ASTN2: variants seen among roughly 807,000 people sequenced by gnomAD.
The protein encoded by ASTN2 is astrotactin 2, also known as astrotactin-2.
A neutral mutation model predicts 139.8 loss-of-function variants in ASTN2; 54 were observed. The ratio of observed to expected loss-of-function variants is 0.39; its 90% CI spans 0.31 to 0.48. The LOEUF (loss-of-function observed/expected upper bound fraction) is 0.48, where lower values mean the gene tolerates loss of function less well. ASTN2 is among the 20% of genes least tolerant of loss of function. The pLI is 0.95. For synonymous variants in ASTN2, 756 were observed against 719.5 expected (o/e 1.05, Z -0.81); for missense variants, 1,565 against 1,725.1 (o/e 0.91, Z 1.64).
chr9:117,198,908 A>G (rs1051497044), intron 3 of ASTN2, among the ~76,000 whole-genome samples: 1 of 151,982 alleles, frequency 6.6e-6, no homozygotes, highest in Admixed American at 6.5e-5. Flanking sequence ...GCTGTTTTTC[A>G]TATGTTTGTT....
At chr9:116,592,990 T>C (rs900850939) in intron 19 of ASTN2, among the ~76,000 whole-genome samples, 1 of 152,252 alleles carries the variant, frequency 6.6e-6, no homozygotes, top group South Asian at 2.1e-4. Flanking sequence ...TTAACATTAA[T>C]ATCTGCCTTG....
At chr9:117,068,846 G>A (rs747620026) in intron 5 of ASTN2, among the ~76,000 whole-genome samples, 1,762 of 129,496 alleles carry the variant, frequency 0.014, 79 homozygotes, top group Non-Finnish European at 0.023. Flanking sequence ...TGTGGGATCG[G>A]TGGTGATATC....
intron 20 of ASTN2, among the ~76,000 whole-genome samples, chr9:116,467,618 T>C (rs956218170): frequency 6.6e-6 from 1 of 152,216 alleles, no homozygotes; most frequent in African/African-American, 2.4e-5. Context: ...GGGGCTGAAG[T>C]CAGCACACTG....
intron 17 of ASTN2, among the ~76,000 whole-genome samples, chr9:116,632,895 T>C (rs1290054911): frequency 6.6e-6 from 1 of 152,246 alleles, no homozygotes; most frequent in East Asian, 1.9e-4. Flanking sequence ...GTTATTTGCC[T>C]TATTTTATCA....
intron 3 of ASTN2, among the ~76,000 whole-genome samples, chr9:117,142,005 G>T (rs7027078): frequency 1.3e-5 from 2 of 152,122 alleles, no homozygotes; most frequent in Non-Finnish European, 2.9e-5. Context: ...GTTGGACAGA[G>T]CAGAGAAGAC....
chr9:116,509,458 G>A (rs537212358), intron 19 of ASTN2, among the ~76,000 whole-genome samples: 180 of 152,116 alleles, frequency 1.2e-3, no homozygotes, highest in African/African-American at 3.7e-3. Context: ...GAATAGTGCC[G>A]CAATAAACAT....
chr9:116,958,971 G>C (rs1835801924), intron 10 of ASTN2, among the ~76,000 whole-genome samples: 1 of 152,170 alleles, frequency 6.6e-6, no homozygotes, highest in African/African-American at 2.4e-5. Flanking sequence ...CTCAATTTGA[G>C]GGTGGCAAGA....
intron 1 of ASTN2, among the ~76,000 whole-genome samples, chr9:117,338,262 G>A (rs867919587): frequency 1.3e-5 from 2 of 152,046 alleles, no homozygotes; most frequent in East Asian, 1.9e-4. Flanking sequence ...ATCCAATCTC[G>A]TGCTCAATAT....
intron 1 of ASTN2, among the ~76,000 whole-genome samples, chr9:117,395,586 C>A (rs1212818113): frequency 1.3e-5 from 2 of 152,166 alleles, no homozygotes; most frequent in East Asian, 3.9e-4. Context: ...GTTCTGAGTT[C>A]TGTGTTCATA....
chr9:116,912,674 T>C (rs375215764), intron 10 of ASTN2, among the ~76,000 whole-genome samples: 7 of 152,190 alleles, frequency 4.6e-5, no homozygotes, highest in African/African-American at 1.7e-4. Flanking sequence ...CTTTTCTGCA[T>C]CTAATCCTGT....
chr9:117,186,098 G>T (rs936110934), intron 3 of ASTN2, among the ~76,000 whole-genome samples: 5 of 152,282 alleles, frequency 3.3e-5, no homozygotes, highest in African/African-American at 1.2e-4. Flanking sequence ...AGTTACCAGA[G>T]CCTCCTCTGC....
intron 1 of ASTN2, among the ~76,000 whole-genome samples, chr9:117,327,756 CAAT>C (rs765722560): frequency 6.6e-6 from 1 of 152,098 alleles, no homozygotes; most frequent in Non-Finnish European, 1.5e-5. Context: ...CAAATATTTG[CAAT>C]AAGACACTGC....
At chr9:116,987,925 A>G (rs1204371346) in intron 7 of ASTN2, among the ~76,000 whole-genome samples, 1 of 152,224 alleles carries the variant, frequency 6.6e-6, no homozygotes, top group East Asian at 1.9e-4. Flanking sequence ...CGTGGATACT[A>G]TGGACAAGGG....
chr9:117,028,075 CTG>C (rs1436395530), intron 6 of ASTN2, among the ~76,000 whole-genome samples: 1 of 152,168 alleles, frequency 6.6e-6, no homozygotes, highest in East Asian at 1.9e-4. Flanking sequence ...TTAATGCTGA[CTG>C]TGCCTGAGTT....
Position 116,595,140 on chromosome 9 carries a change from A to G in ASTN2, c.3355+23184T>C, listed in dbSNP as rs148127706. On this transcript the variant is annotated intron_variant, in intron 19 of 22. Transcript: ENST00000313400. ...CTGAGTTTTCCCACATGTGAAATGAAGATAATACTAACTAATTTTCAGAAC... is the reference window on the plus strand; with the variant it reads ...CTGAGTTTTCCCACATGTGAAATGAGGATAATACTAACTAATTTTCAGAAC... 9.2e-5 allele frequency among the ~76,000 whole-genome samples: 14 copies of G among 152,330 alleles called. No individual in the cohort carries two copies. In the East Asian group the frequency reaches 2.3e-3, roughly 25 times the overall value.
At position 116,474,769 on chromosome 9, in the gene ASTN2, G is replaced by T. The variant is rs936414132; in HGVS notation, c.3497+12590C>A. Among the ~76,000 whole-genome samples the T allele has an allele frequency of 2.6e-5, 4 of 152,202 alleles. No homozygotes were observed. In the East Asian group the frequency reaches 7.7e-4, roughly 29 times the overall value. The stretch of plus-strand genomic sequence containing the variant: ...CCCTCATTGCAATGAAAAAGAAACT[G>T]AGGATCAGAAAAATGAAGTTCTTTG... On this transcript the variant is annotated intron_variant, in intron 20 of 22. Coordinates refer to ENST00000313400, the MANE Select transcript of ASTN2 (RefSeq NM_001365068.1).
chr9:116,933,005 C>CAA (rs34505075), intron 10 of ASTN2, among the ~76,000 whole-genome samples: 4 of 70,054 alleles, frequency 5.7e-5, no homozygotes, highest in African/African-American at 1.7e-4. Context: ...GACTCTGTCT[C>CAA]AAAAAAAAAA....
At chr9:117,214,872 G>T in intron 2 of ASTN2, 130 bp from the exon 3 acceptor site, 1 of 1,118,644 alleles carries the variant, frequency 8.9e-7, no homozygotes, top group Non-Finnish European at 1.1e-6. Context: ...GGAACCACCA[G>T]CCGTGGTTTT....
chr9:117,051,145 C>A (rs1838901180), intron 5 of ASTN2, among the ~76,000 whole-genome samples: 1 of 152,064 alleles, frequency 6.6e-6, no homozygotes, highest in Non-Finnish European at 1.5e-5. Context: ...ACAAGTCACA[C>A]AATGCATTGT....
Sources: gnomAD v4.1 joint callset for allele counts (sites outside exome capture counted in the v4.1 genomes callset) on GRCh38, gnomAD v4.1.1 for gene constraint, MANE v1.5 for transcripts, NCBI Gene and HGNC (gene_info 2026-07-23, HGNC 2026-07-21) for gene names.